The following COL23A1 variants were observed in gnomAD, a reference collection of about 807,000 sequenced individuals.
COL23A1 encodes the protein collagen alpha-1(XXIII) chain.
COL23A1 carries 97 observed loss-of-function variants against 99.3 expected under a neutral mutation model. The ratio of observed to expected loss-of-function variants is 0.98; its 90% CI spans 0.83 to 1.16. The LOEUF is 1.16. Among genes scored for constraint, COL23A1 ranks in the 50% most tolerant of loss-of-function variants. The pLI, the probability that COL23A1 is intolerant of heterozygous loss-of-function variation, is 0.00. For synonymous variants in COL23A1, 320 were observed against 308.2 expected, an observed-to-expected ratio of 1.04 and a Z score of -0.40; for missense variants, 762 against 757.4, an observed-to-expected ratio of 1.01 and a Z score of -0.07.
At chr5:178,462,428 C>A (rs1756170749) in intron 2 of COL23A1, among the ~76,000 whole-genome samples, 1 of 152,154 alleles carries the variant, frequency 6.6e-6, no homozygotes, top group Non-Finnish European at 1.5e-5. Flanking sequence ...ATTTAACTTA[C>A]TTCAGTCATT....
rs1176701914 is a variant in COL23A1 at position 178,280,247 on chromosome 5, T to C, written c.441+8077A>G. Among the ~76,000 whole-genome samples the C allele has an allele frequency of 2.0e-5, 3 of 152,240 alleles. No homozygotes were observed. The highest frequency in any genetic ancestry group is 4.4e-5 in the Non-Finnish European group (3 of 68,040). Reference sequence around the variant, plus strand: ...GGGCGATCAGCCAGGACGCTGGCCATTGAGGATGCAGGCCCAAAAGGGGCG... The same window carrying C: ...GGGCGATCAGCCAGGACGCTGGCCACTGAGGATGCAGGCCCAAAAGGGGCG... On this transcript the variant is annotated intron_variant, in intron 5 of 28. Transcript: ENST00000390654. This position sits in a 1 kb window ranked among gnomAD's most constrained non-coding sequence, Gnocchi z 4.9.
chr5:178,312,432 C>G lies in COL23A1; in HGVS notation c.362-5513G>C, dbSNP rs565621295. Among the ~76,000 whole-genome samples, 185 of 152,292 alleles carry G rather than the reference C, an allele frequency of 1.2e-3. 1 individual carries two copies. Among genetic ancestry groups the G allele is most frequent in the South Asian group, 0.012 (57 of 4,818 alleles). Reference sequence around the variant, plus strand: ...TGTTGGAGGCCAGACAAAAGGAAACCATTTCTAACTCATAAAAATCTCATC... The same window carrying G: ...TGTTGGAGGCCAGACAAAAGGAAACGATTTCTAACTCATAAAAATCTCATC... On this transcript the variant is annotated intron_variant, in intron 2 of 28. Transcript: ENST00000390654.
chr5:178,332,862 G>A (rs773968262), intron 2 of COL23A1, among the ~76,000 whole-genome samples: 8 of 151,928 alleles, frequency 5.3e-5, no homozygotes, highest in East Asian at 3.9e-4. Context: ...CACACTGACC[G>A]TTTCCAGATC....
chr5:178,308,951 C>A lies in COL23A1; in HGVS notation c.362-2032G>T. Among the ~76,000 whole-genome samples the A allele has an allele frequency of 6.6e-6, 1 of 152,198 alleles. No individual in the cohort carries two copies. The highest frequency in any genetic ancestry group is 1.5e-5 in the Non-Finnish European group (1 of 68,034). On this transcript the variant is annotated intron_variant, in intron 2 of 28. Transcript: ENST00000390654. The surrounding 1 kb of genome is among the most constrained non-coding windows in gnomAD (Gnocchi z 5.1). ...AGGAGGAAGAAGGCCCAGTGGCCACCCACAAAGCTTCGGGGCTCTTGCCAG... is the reference window on the plus strand; with the variant it reads ...AGGAGGAAGAAGGCCCAGTGGCCACACACAAAGCTTCGGGGCTCTTGCCAG...
At chr5:178,333,006 G>A (rs1166705568) in intron 2 of COL23A1, among the ~76,000 whole-genome samples, 2 of 152,112 alleles carry the variant, frequency 1.3e-5, no homozygotes, top group Non-Finnish European at 2.9e-5. Context: ...TGCCCAGGCT[G>A]GAGTGCAGTG....
chr5:178,524,096 G>A (rs1341365828), intron 2 of COL23A1, among the ~76,000 whole-genome samples: 1 of 152,168 alleles, frequency 6.6e-6, no homozygotes, highest in African/African-American at 2.4e-5. Context: ...CAGAACCTGG[G>A]TCACGCTAGC....
At chr5:178,501,465 C>T (rs1758528734) in intron 2 of COL23A1, among the ~76,000 whole-genome samples, 1 of 152,024 alleles carries the variant, frequency 6.6e-6, no homozygotes, top group South Asian at 2.1e-4. Flanking sequence ...TCTGCAGTCC[C>T]AGCTACTCGG....
chr5:178,290,597 C>T (rs1422631860), intron 3 of COL23A1, among the ~76,000 whole-genome samples: 1 of 152,186 alleles, frequency 6.6e-6, no homozygotes, highest in East Asian at 1.9e-4. Context: ...GTGGTGGTGA[C>T]AGTTCCCACA....
chr5:178,266,494 A>G (rs1441033833), intron 8 of COL23A1, among the ~76,000 whole-genome samples: 1 of 151,786 alleles, frequency 6.6e-6, no homozygotes, highest in Non-Finnish European at 1.5e-5. Context: ...ACTCTTCATG[A>G]CCTCTGGGCC....
At chr5:178,510,563 T>C (rs1484554357) in intron 2 of COL23A1, among the ~76,000 whole-genome samples, 1 of 152,122 alleles carries the variant, frequency 6.6e-6, no homozygotes, top group Non-Finnish European at 1.5e-5. Context: ...ATATACCTAA[T>C]GCTAAATGAC....
At chr5:178,290,391 G>A (rs777775149) in intron 3 of COL23A1, 22 bp from the exon 4 acceptor site, 117 of 1,613,974 alleles carry the variant, frequency 7.2e-5, no homozygotes, top group Non-Finnish European at 7.9e-5. Flanking sequence ...AAGCAGAGAA[G>A]CCACAGTCAG....
chr5:178,249,225 A>G lies in COL23A1; in HGVS notation c.1060-19T>C. On this transcript the variant is annotated intron_variant, in intron 18 of 28. Transcript: ENST00000390654. ...TGGGGCCCTGAAAGCCATAAGCACA[A>G]GGGATGAGTGGGGCTCAGGAGGTCC... The G allele has an allele frequency of 6.2e-7, 1 of 1,612,382 alleles. No homozygotes were observed. Among genetic ancestry groups the G allele is most frequent in the South Asian group, 1.1e-5 (1 of 91,052 alleles).
chr5:178,246,088 C>T (rs372174311), intron 24 of COL23A1, 120 bp from the exon 25 acceptor site: 71 of 1,342,224 alleles, frequency 5.3e-5, no homozygotes, highest in Middle Eastern at 2.4e-4. Context: ...CCACCAACCA[C>T]GCAGGCATAG....
intron 1 of COL23A1, among the ~76,000 whole-genome samples, chr5:178,572,072 CAAA>C (rs57863132): frequency 2.7e-5 from 3 of 109,490 alleles, no homozygotes; most frequent in African/African-American, 7.8e-5. Flanking sequence ...TTTCTCAAAA[CAAA>C]AAAAAAAAAG....
chr5:178,464,220 C>T (rs142165536), intron 2 of COL23A1, among the ~76,000 whole-genome samples: 1,667 of 152,276 alleles, frequency 0.011, 13 homozygotes, highest in Non-Finnish European at 0.017. Flanking sequence ...ACTCCCGATT[C>T]GGCACTCCCA....
At chr5:178,523,161 T>C (rs76647802) in intron 2 of COL23A1, among the ~76,000 whole-genome samples, 26,374 of 90,694 alleles carry the variant, frequency 0.29, 3,430 homozygotes, top group East Asian at 0.67. Flanking sequence ...TATATATATA[T>C]ACATATATAT....
chr5:178,458,926 G>T (rs942127657), intron 2 of COL23A1, among the ~76,000 whole-genome samples: 2 of 152,144 alleles, frequency 1.3e-5, no homozygotes, highest in Non-Finnish European at 2.9e-5. Flanking sequence ...AGGGGCAGAG[G>T]AATCTATTAA....
In COL23A1 at chr5:178,310,169, T is replaced by C. The variant is rs1268739646; in HGVS notation, c.362-3250A>G. ...CGGTGAGGCCCTGGGAGAGGGCGAG[T>C]GTGCCGGAGCTGCACTCCCTGCTGA... On this transcript the variant is annotated intron_variant, in intron 2 of 28. Transcript: ENST00000390654. This position sits in a 1 kb window ranked among gnomAD's most constrained non-coding sequence, Gnocchi z 4.3. Among the ~76,000 whole-genome samples, 2 of 151,704 alleles carry C rather than the reference T, an allele frequency of 1.3e-5. No homozygotes were observed. Among genetic ancestry groups the C allele is most frequent in the Non-Finnish European group, 2.9e-5 (2 of 67,928 alleles).
intron 3 of COL23A1, among the ~76,000 whole-genome samples, chr5:178,296,258 G>A (rs529903941): frequency 5.3e-5 from 8 of 152,218 alleles, no homozygotes; most frequent in South Asian, 4.1e-4. Context: ...CAGATGAGAC[G>A]AAGGAGGGGC....
Sources: allele counts gnomAD v4.1 joint callset (sites outside exome capture counted in the v4.1 genomes callset), GRCh38; gene constraint gnomAD v4.1.1; non-coding constraint Gnocchi (gnomAD v3.1); transcripts MANE v1.5; gene names NCBI Gene and HGNC (gene_info 2026-07-23, HGNC 2026-07-21).